The following ATF7IP2 variants were observed in gnomAD, a reference collection of about 807,000 sequenced individuals.
ATF7IP2 encodes activating transcription factor 7 interacting protein 2.
In ATF7IP2, 42 loss-of-function variants were observed where a neutral mutation model predicts 64.2. That is an observed-to-expected ratio of 0.65 (90% CI 0.51 to 0.85). The LOEUF is 0.85. Ranked by LOEUF, ATF7IP2 falls within the 40% of genes least tolerant of loss-of-function variation. The pLI is 0.00. For missense variants in ATF7IP2, 933 were observed against 784.2 expected (o/e 1.19, Z -2.27); for synonymous variants, 308 against 272.8 (o/e 1.13, Z -1.27).
chr16:10,440,605 C>G (rs2048582513), intron 8 of ATF7IP2, 143 bp downstream of exon 8: 2 of 550,754 alleles, frequency 3.6e-6, no homozygotes, highest in South Asian at 5.4e-5. Context: ...ATGCATCTGT[C>G]TCTGGAAAAG....
chr16:10,452,033 CAA>C (rs1010982096), intron 8 of ATF7IP2, among the ~76,000 whole-genome samples: 2 of 151,688 alleles, frequency 1.3e-5, no homozygotes, highest in African/African-American at 4.8e-5. Flanking sequence ...GCCTGGGCGA[CAA>C]GAGCAAAACT....
chr16:10,418,841 G>C (rs567137025), intron 2 of ATF7IP2, among the ~76,000 whole-genome samples: 2 of 152,150 alleles, frequency 1.3e-5, no homozygotes, highest in African/African-American at 4.8e-5. Flanking sequence ...TTGAGGTTGA[G>C]GTGCCACTAT....
chr16:10,408,839 TTTAA>T (rs1422154314), intron 1 of ATF7IP2, among the ~76,000 whole-genome samples: 9 of 152,242 alleles, frequency 5.9e-5, no homozygotes, highest in African/African-American at 2.2e-4. Flanking sequence ...AGCTCTTTAG[TTTAA>T]TTAAGTCCTG....
intron 8 of ATF7IP2, chr16:10,446,383 G>A (rs2048805760): frequency 6.6e-6 from 1 of 152,164 alleles, no homozygotes; most frequent in Non-Finnish European, 1.5e-5. Flanking sequence ...TTTGATTTAA[G>A]ATGGTTCTAA....
At chr16:10,468,524 G>C (rs900340974) in intron 9 of ATF7IP2, among the ~76,000 whole-genome samples, 22 of 152,208 alleles carry the variant, frequency 1.4e-4, no homozygotes, top group Non-Finnish European at 5.9e-5. Flanking sequence ...CTGCCTGGAG[G>C]CATTTTCCAG....
In ATF7IP2 at chr16:10,448,287, A is replaced by T. The variant is rs1021132260; in HGVS notation, c.1194+7825A>T. On this transcript the variant is annotated intron_variant, in intron 8 of 13. Coordinates refer to ENST00000562102, the MANE Select transcript of ATF7IP2 (RefSeq NM_001393719.1). ...TTTGGTTCCATATGAAATTTTAAGT[A>T]TTTTTTTCCAATTCTGTGAAGAAAG... 30 of 152,142 alleles carry T rather than the reference A, an allele frequency of 2.0e-4. 1 individual carries two copies. Among genetic ancestry groups the T allele is most frequent in the African/African-American group, 7.2e-4 (30 of 41,496 alleles). The allele number at this position is 152,142 out of a possible 1,614,324, so 9.4% of individuals were successfully genotyped here.
rs2048327838 is a variant in ATF7IP2, at chr16:10,433,665, T to G, written c.960+16T>G. 1 of 1,611,412 alleles carries G rather than the reference T, an allele frequency of 6.2e-7. No individual in the cohort carries two copies. Among genetic ancestry groups the G allele is most frequent in the Non-Finnish European group, 8.5e-7 (1 of 1,178,790 alleles). Reference sequence around the variant, plus strand: ...CCTGGAACAGGTAAAATATTGGGGCTTAAATGGAACTTTTACTTTTGATTA... The same window carrying G: ...CCTGGAACAGGTAAAATATTGGGGCGTAAATGGAACTTTTACTTTTGATTA... On this transcript the variant is annotated intron_variant, in intron 6 of 13. Transcript: ENST00000562102.
intron 9 of ATF7IP2, among the ~76,000 whole-genome samples, chr16:10,460,316 A>C (rs2049332443): frequency 6.6e-6 from 1 of 152,202 alleles, no homozygotes; most frequent in East Asian, 1.9e-4. Context: ...GGAGTATTAT[A>C]TTTATAGAGT....
intron 8 of ATF7IP2, among the ~76,000 whole-genome samples, chr16:10,441,496 A>T (rs1248026554): frequency 6.6e-6 from 1 of 152,304 alleles, no homozygotes; most frequent in East Asian, 1.9e-4. Flanking sequence ...GCATTTCTAT[A>T]ATGACCAGTG....
intron 6 of ATF7IP2, among the ~76,000 whole-genome samples, chr16:10,435,363 A>G (rs1337980576): frequency 6.6e-6 from 1 of 152,174 alleles, no homozygotes; most frequent in African/African-American, 2.4e-5. Context: ...CACTCTACCC[A>G]TTATCTCAGA....
chr16:10,452,740 A>C (rs1275076210), intron 8 of ATF7IP2, among the ~76,000 whole-genome samples: 1 of 152,118 alleles, frequency 6.6e-6, no homozygotes, highest in Admixed American at 6.6e-5. Flanking sequence ...TGGGGGGTTT[A>C]TCTATAAGCC....
At chr16:10,448,100 C>T (rs899699622) in intron 8 of ATF7IP2, 2 of 152,174 alleles carry the variant, frequency 1.3e-5, no homozygotes, top group Admixed American at 1.3e-4. Context: ...GGTGTTATAT[C>T]TAAGGCCTCT....
At position 10,481,848 on chromosome 16, in the gene ATF7IP2, T is replaced by C; in HGVS notation, c.1648T>C (p.Phe550Leu). 1.3e-6 allele frequency: 2 copies of C among 1,589,658 alleles called. No individual in the cohort carries two copies. Among genetic ancestry groups the C allele is most frequent in the Non-Finnish European group, 1.7e-6 (2 of 1,171,864 alleles). ...ATTGTGTTTTTAGGTTCCTGAGTCC[T>C]TTGAGCACCTGCCACCTCTCCCAGA... ...AQNAVQVPES[F>L]EHLPPLPEPP... is the part of the protein sequence containing the mutation. Residue 550 changes from phenylalanine to leucine, a missense_variant, in exon 14 of 14, where the codon TTT (phenylalanine) becomes CTT (leucine). Coordinates refer to ENST00000562102, the MANE Select transcript of ATF7IP2 (RefSeq NM_001393719.1).
At position 10,466,498 on chromosome 16, in the gene ATF7IP2, T is replaced by C. The variant is rs1000904963; in HGVS notation, c.1353-5612T>C. On this transcript the variant is annotated intron_variant, in intron 9 of 13. Transcript: ENST00000562102. ...AAGTTATACTCCCACTATAAGTACA[T>C]GAGATTTTTATTACTGCGTATCCTT... Among the ~76,000 whole-genome samples the C allele has an allele frequency of 1.9e-4, 29 of 152,310 alleles. 1 individual carries two copies. Among genetic ancestry groups the C allele is most frequent in the Admixed American group, 1.8e-3 (28 of 15,304 alleles).
intron 1 of ATF7IP2, among the ~76,000 whole-genome samples, chr16:10,390,315 G>GT (rs1166431009): frequency 6.6e-6 from 1 of 152,146 alleles, no homozygotes; most frequent in Non-Finnish European, 1.5e-5. Context: ...CAGGAAATAT[G>GT]TTATTGCTTG....
At chr16:10,479,378 A>T (rs948872634) in intron 12 of ATF7IP2, among the ~76,000 whole-genome samples, 5 of 152,178 alleles carry the variant, frequency 3.3e-5, no homozygotes, top group Non-Finnish European at 7.3e-5. Context: ...GGAAATCATC[A>T]TACTCAGTAA....
intron 1 of ATF7IP2, among the ~76,000 whole-genome samples, chr16:10,401,825 G>A (rs571620262): frequency 6.0e-5 from 9 of 149,198 alleles, no homozygotes; most frequent in Non-Finnish European, 1.3e-4. Context: ...GTTTCTTCTT[G>A]GTTAAGGCTT....
chr16:10,390,106 T>C (rs2047292216), intron 1 of ATF7IP2, among the ~76,000 whole-genome samples: 1 of 152,234 alleles, frequency 6.6e-6, no homozygotes, highest in African/African-American at 2.4e-5. Flanking sequence ...TAGTTTTTTT[T>C]AATTTAATGA....
chr16:10,464,167 C>CA (rs766439745), intron 9 of ATF7IP2, among the ~76,000 whole-genome samples: 3 of 152,140 alleles, frequency 2.0e-5, no homozygotes, highest in Non-Finnish European at 4.4e-5. Context: ...TTTTTTTCCC[C>CA]AATTTTTCAA....
Sources: gnomAD v4.1 joint callset for allele counts (sites outside exome capture counted in the v4.1 genomes callset) on GRCh38, gnomAD v4.1.1 for gene constraint, MANE v1.5 for transcripts, NCBI Gene and HGNC (gene_info 2026-07-23, HGNC 2026-07-21) for gene names.